SLC4A8: variants seen among roughly 807,000 people sequenced by gnomAD.
SLC4A8 encodes electroneutral sodium bicarbonate exchanger 1.
SLC4A8 carries 40 observed loss-of-function variants against 125.0 expected under a neutral mutation model. That is an observed-to-expected ratio of 0.32 (90% CI 0.25 to 0.42). The LOEUF (loss-of-function observed/expected upper bound fraction) is 0.42. Ranked by LOEUF, SLC4A8 falls within the 10% of genes least tolerant of loss-of-function variation. SLC4A8 has a pLI of 1.00. For synonymous variants in SLC4A8, 456 were observed against 476.0 expected (o/e 0.96, Z 0.55); for missense variants, 863 against 1,355.1 (o/e 0.64, Z 5.70).
intron 24 of SLC4A8, among the ~76,000 whole-genome samples, chr12:51,506,245 G>A (rs1938164458): frequency 6.6e-6 from 1 of 152,100 alleles, no homozygotes; most frequent in Non-Finnish European, 1.5e-5. Context: ...GAATCTGAAG[G>A]GCATGTCTCT....
At chr12:51,500,511 T>A (rs1211946466) in intron 22 of SLC4A8, among the ~76,000 whole-genome samples, 1 of 152,144 alleles carries the variant, frequency 6.6e-6, no homozygotes, top group Non-Finnish European at 1.5e-5. Context: ...ACTTTCATGT[T>A]TCTATTTGTA....
chr12:51,436,318 C>G (rs551247159), intron 1 of SLC4A8, among the ~76,000 whole-genome samples: 27 of 152,210 alleles, frequency 1.8e-4, no homozygotes, highest in African/African-American at 6.3e-4. Flanking sequence ...CTTCTTTGTC[C>G]TTAGAGTATA....
chr12:51,436,169 G>A (rs1309538585), intron 1 of SLC4A8, among the ~76,000 whole-genome samples: 2 of 152,228 alleles, frequency 1.3e-5, no homozygotes, highest in South Asian at 4.1e-4. Context: ...GTCCTCAGCC[G>A]CACTGGGAGT....
intron 2 of SLC4A8, among the ~76,000 whole-genome samples, chr12:51,450,264 T>A (rs1049488320): frequency 6.6e-6 from 1 of 152,218 alleles, no homozygotes; most frequent in Non-Finnish European, 1.5e-5. Context: ...CCTAGGCTGC[T>A]ACAATTTATT....
chr12:51,459,808 G>C (rs1178456874), intron 7 of SLC4A8, 143 bp from the exon 8 acceptor site: 1 of 670,058 alleles, frequency 1.5e-6, no homozygotes, highest in Non-Finnish European at 2.6e-6. Flanking sequence ...GCAGCAGAGA[G>C]CTGTGAGCTG....
At chr12:51,428,670 G>A (rs1050419563) in intron 1 of SLC4A8, among the ~76,000 whole-genome samples, 4 of 152,236 alleles carry the variant, frequency 2.6e-5, no homozygotes, top group South Asian at 4.1e-4. Context: ...ACTATCTTCC[G>A]TGAACCCTGA....
intron 22 of SLC4A8, among the ~76,000 whole-genome samples, chr12:51,500,248 T>C (rs1366545336): frequency 6.6e-6 from 1 of 152,190 alleles, no homozygotes; most frequent in Non-Finnish European, 1.5e-5. Context: ...TTTCCAAAAT[T>C]CCTGAAGTAA....
In SLC4A8 at chr12:51,485,822, C is replaced by T. The variant is rs773498837; in HGVS notation, c.2208C>T (p.Leu736=). 11 of 1,613,330 alleles carry T rather than the reference C, an allele frequency of 6.8e-6. 1 individual carries two copies. In the South Asian group the frequency reaches 1.2e-4, roughly 18 times the overall value. The change falls in exon 17 of 25, where the codon CTC becomes CTT. Residue 736 remains leucine (L), a synonymous_variant. Coordinates refer to ENST00000453097, the MANE Select transcript of SLC4A8 (RefSeq NM_001039960.3). ...RSMVSDFAVF[L]TIFTMVIIDF... is the part of the protein sequence containing the mutation. Reference sequence around the variant, plus strand: ...TGGTGAGTGACTTTGCTGTTTTCCTCACTATCTTCACAATGGTGATTATTG... The same window carrying T: ...TGGTGAGTGACTTTGCTGTTTTCCTTACTATCTTCACAATGGTGATTATTG...
At chr12:51,411,312 G>C (rs1025254301) in intron 1 of SLC4A8, among the ~76,000 whole-genome samples, 1 of 151,878 alleles carries the variant, frequency 6.6e-6, no homozygotes, top group Non-Finnish European at 1.5e-5. Context: ...TTTAGGCTGG[G>C]TGCAGTGGCT....
chr12:51,411,857 G>A (rs766439885), intron 1 of SLC4A8, among the ~76,000 whole-genome samples: 14 of 152,258 alleles, frequency 9.2e-5, no homozygotes, highest in Admixed American at 2.6e-4. Flanking sequence ...GGCCAAAGCC[G>A]GAGGATCGCT....
chr12:51,504,681 G>T (rs902120453), intron 23 of SLC4A8, among the ~76,000 whole-genome samples: 1 of 152,204 alleles, frequency 6.6e-6, no homozygotes, highest in Non-Finnish European at 1.5e-5. Flanking sequence ...AGCTTTTGGG[G>T]ATAGGCAGAA....
chr12:51,497,716 T>C (rs972237174), intron 22 of SLC4A8: 2 of 152,272 alleles, frequency 1.3e-5, no homozygotes, highest in South Asian at 2.1e-4. Flanking sequence ...ATAGTGTCCT[T>C]TGAAAAAACT....
In SLC4A8 at chr12:51,510,564, G is replaced by A. The variant is rs1004585671; in HGVS notation, c.*3126G>A. ...TTTTCTCAATTATGCTTGCTAATGT[G>A]TCAAAGGCCAAGTACACTGTATCAA... On this transcript the variant is annotated 3_prime_UTR_variant, in exon 25 of 25. Transcript: ENST00000453097. The A allele has an allele frequency of 6.6e-6, 1 of 151,934 alleles. No individual in the cohort carries two copies. The highest frequency in any genetic ancestry group is 2.4e-5 in the African/African-American group (1 of 41,332). 9.4% of individuals were successfully genotyped at this position (151,934 alleles called of 1,614,324 possible). A position where few individuals can be genotyped will look rare whatever the true frequency, so the allele number is the denominator to read the frequency against.
intron 24 of SLC4A8, among the ~76,000 whole-genome samples, 156 bp from the exon 25 acceptor site, chr12:51,507,270 A>G (rs1256092212): frequency 2.0e-5 from 3 of 152,264 alleles, no homozygotes; most frequent in African/African-American, 7.2e-5. Flanking sequence ...GAAATGTATA[A>G]CGCACATGGT....
intron 22 of SLC4A8, among the ~76,000 whole-genome samples, chr12:51,498,753 C>T (rs1023157427): frequency 8.8e-3 from 2 of 226 alleles, no homozygotes; most frequent in Non-Finnish European, 0.014. Context: ...TGGTGGCAGG[C>T]GCCTATAATC....
upstream of SLC4A8, among the ~76,000 whole-genome samples, chr12:51,424,066 C>A (rs200153552): frequency 0.026 from 2,729 of 105,224 alleles, 172 homozygotes; most frequent in African/African-American, 0.034. Flanking sequence ...AAAAAAACAA[C>A]AAAAAAAAAA....
intron 22 of SLC4A8, among the ~76,000 whole-genome samples, chr12:51,498,123 T>G (rs1285551890): frequency 6.6e-6 from 1 of 151,932 alleles, no homozygotes; most frequent in African/African-American, 2.4e-5. Context: ...TAAATAAGCT[T>G]CAACAATTAT....
chr12:51,425,298 G>T, intron 1 of SLC4A8: 1 of 1,286,848 alleles, frequency 7.8e-7, no homozygotes, highest in Non-Finnish European at 9.8e-7. Context: ...AGCCCTGACA[G>T]CCGGCGGGCG....
rs1273478899 is a variant in SLC4A8, at chr12:51,440,714, G to A, written c.55G>A (p.Asp19Asn). Residue 19 changes from aspartate to asparagine, a missense_variant, in exon 2 of 25, where the codon GAT becomes AAT. Asp to Asn is a conservative substitution (Grantham distance 23). Around this residue, in one of 6 missense-constraint regions of SLC4A8, gnomAD observed 104 missense variants for 116.4 expected, o/e 0.89. Coordinates refer to ENST00000453097, the MANE Select transcript of SLC4A8 (RefSeq NM_001039960.3). Reference protein sequence around the residue: ...PDGVLSYQRPDEEAVVDQGGT... With the variant: ...PDGVLSYQRPNEEAVVDQGGT... ...CTTATTTGTGTTTAAACAGAGACCA[G>A]ATGAAGAAGCTGTGGTGGATCAGGG... 6.2e-7 allele frequency: 1 copy of A among 1,610,556 alleles called. No individual in the cohort carries two copies. The highest frequency in any genetic ancestry group is 8.5e-7 in the Non-Finnish European group (1 of 1,178,822).
Sources: gnomAD v4.1 joint callset for allele counts (sites outside exome capture counted in the v4.1 genomes callset) on GRCh38, gnomAD v4.1.1 for gene constraint, gnomAD v4.1.1 regional missense constraint, MANE v1.5 for transcripts, NCBI Gene and HGNC (gene_info 2026-07-23, HGNC 2026-07-21) for gene names.